The following RNFT2 variants were observed in gnomAD, a reference collection of about 807,000 sequenced individuals.
The protein encoded by RNFT2 is ring finger protein, transmembrane 2.
A neutral mutation model predicts 53.0 loss-of-function variants in RNFT2; 36 were observed. The ratio of observed to expected loss-of-function variants is 0.68; its 90% CI spans 0.52 to 0.90. The LOEUF is 0.90. Ranked by LOEUF, RNFT2 falls within the 40% of genes least tolerant of loss-of-function variation. The pLI, the probability that RNFT2 is intolerant of heterozygous loss-of-function variation, is 0.00. For synonymous variants in RNFT2, 260 were observed against 253.2 expected, an observed-to-expected ratio of 1.03 and a Z score of -0.26; for missense variants, 514 against 585.6, an observed-to-expected ratio of 0.88 and a Z score of 1.26.
chr12:116,764,237 AC>A (rs1240740516), intron 5 of RNFT2, among the ~76,000 whole-genome samples: 1 of 152,056 alleles, frequency 6.6e-6, no homozygotes, highest in Non-Finnish European at 1.5e-5. Context: ...ATTAAAGACT[AC>A]AAATTGGGTT....
chr12:116,783,099 C>T (rs760938508), intron 7 of RNFT2, among the ~76,000 whole-genome samples: 4 of 152,168 alleles, frequency 2.6e-5, no homozygotes, highest in South Asian at 2.1e-4. Context: ...CATCTTTCCT[C>T]CTCCTACTGC....
chr12:116,749,846 G>A lies in RNFT2; in HGVS notation c.89G>A (p.Arg30His), dbSNP rs996313242. Residue 30 changes from arginine (R) to histidine (H), a missense_variant, in exon 4 of 11, where the codon CGC becomes CAC. Arg to His is a conservative substitution (Grantham distance 29, BLOSUM62 0). Transcript: ENST00000257575. ...NTDNIPPERNRSQALSSEASV... is the reference protein window; with the variant it reads ...NTDNIPPERNHSQALSSEASV... ...TCTCTCCCCTTGGCACCCAGAAACC[G>A]CAGCCAGGCGCTCAGCTCCGAGGCG... 10 of 1,573,260 alleles carry A rather than the reference G, an allele frequency of 6.4e-6. No individual in the cohort carries two copies. The highest frequency in any genetic ancestry group is 4.7e-5 in the East Asian group (2 of 42,774).
intron 3 of RNFT2, among the ~76,000 whole-genome samples, chr12:116,743,312 G>A (rs1005018311): frequency 9.6e-5 from 14 of 146,248 alleles, no homozygotes; most frequent in African/African-American, 3.3e-4. Context: ...TGTCACCAAG[G>A]CTGGAGTGCA....
chr12:116,851,417 A>AT lies in RNFT2; in HGVS notation c.*1970dup. 3.0e-6 allele frequency: 1 copy of AT among 331,054 alleles called. No homozygotes were observed. Among genetic ancestry groups the AT allele is most frequent in the Non-Finnish European group, 5.7e-6 (1 of 175,228 alleles). 20.5% of individuals were successfully genotyped at this position (331,054 alleles called of 1,614,324 possible). A position where few individuals can be genotyped will look rare whatever the true frequency, so the allele number is the denominator to read the frequency against. ...GCTCTGCCCCTCAGACATTCCAGGC[A>AT]TGGGGCCCAGCAGACACGGTCTTCT... On this transcript the variant is annotated 3_prime_UTR_variant, in exon 11 of 11. Transcript: ENST00000257575.
At position 116,822,771 on chromosome 12, in the gene RNFT2, G is replaced by A. The variant is rs182251940; in HGVS notation, c.883-11021G>A. ...AATCCCAGCACTTTGGGAGGCTGAG[G>A]CGGGCAGATCACCTGAGGAGTTCGA... On this transcript the variant is annotated intron_variant, in intron 7 of 10. Transcript: ENST00000257575. Among the ~76,000 whole-genome samples the A allele has an allele frequency of 1.4e-4, 22 of 152,326 alleles. 1 individual carries two copies. In the East Asian group the frequency reaches 4.2e-3, roughly 29 times the overall value.
intron 10 of RNFT2, among the ~76,000 whole-genome samples, chr12:116,837,260 A>G (rs1182744977): frequency 6.6e-6 from 1 of 152,158 alleles, no homozygotes; most frequent in East Asian, 1.9e-4. Flanking sequence ...CAGAGGGCCC[A>G]CAGATCCCGT....
At chr12:116,781,357 G>A (rs1283204007) in intron 7 of RNFT2, among the ~76,000 whole-genome samples, 4 of 152,178 alleles carry the variant, frequency 2.6e-5, no homozygotes, top group Non-Finnish European at 5.9e-5. Context: ...GGAAGCCCAA[G>A]AGGAGAGAGA....
intron 1 of RNFT2, among the ~76,000 whole-genome samples, chr12:116,740,074 C>T (rs982065141): frequency 2.0e-5 from 3 of 151,724 alleles, no homozygotes; most frequent in Non-Finnish European, 2.9e-5. Flanking sequence ...GGCGTGGTGT[C>T]GCATGCCTGT....
intron 7 of RNFT2, among the ~76,000 whole-genome samples, chr12:116,830,866 T>C (rs913322642): frequency 2.1e-4 from 32 of 150,060 alleles, no homozygotes; most frequent in African/African-American, 7.9e-4. Context: ...ATTGTGCCAC[T>C]GCACTCCACC....
chr12:116,797,909 G>T (rs1306526879), intron 7 of RNFT2, among the ~76,000 whole-genome samples: 6 of 152,160 alleles, frequency 3.9e-5, no homozygotes, highest in African/African-American at 1.4e-4. Flanking sequence ...GAAAGCGGTG[G>T]TAACTCCTGG....
Position 116,840,485 on chromosome 12 carries a change from A to C in RNFT2, c.1200+4203A>C, listed in dbSNP as rs186237385. ...CAGGGCTGCATTACAAGATCAGAGCACTTTTTCCAGAAATTCCTGGGAATA... is the reference window on the plus strand; with the variant it reads ...CAGGGCTGCATTACAAGATCAGAGCCCTTTTTCCAGAAATTCCTGGGAATA... On this transcript the variant is annotated intron_variant, in intron 10 of 10. Coordinates refer to ENST00000257575, the MANE Select transcript of RNFT2 (RefSeq NM_001382266.1). 7.2e-5 allele frequency among the ~76,000 whole-genome samples: 11 copies of C among 152,326 alleles called. 1 individual carries two copies. In the East Asian group the frequency reaches 7.7e-4, roughly 11 times the overall value.
Position 116,851,787 on chromosome 12 carries a change from G to A in RNFT2, c.*2339G>A, listed in dbSNP as rs1565879044. On this transcript the variant is annotated 3_prime_UTR_variant, in exon 11 of 11. Coordinates refer to ENST00000257575, the MANE Select transcript of RNFT2 (RefSeq NM_001382266.1). ...AGAAGGGAGGGAGGGAGGAAGGAAG[G>A]AAGGAAGGAAAGAAAGAAAGGTCAG... 1 of 840,260 alleles carries A rather than the reference G, an allele frequency of 1.2e-6. No individual in the cohort carries two copies. The highest frequency in any genetic ancestry group is 2.0e-5 in the Admixed American group (1 of 49,642). 52.1% of individuals were successfully genotyped at this position (840,260 alleles called of 1,614,324 possible). A position where few individuals can be genotyped will look rare whatever the true frequency, so the allele number is the denominator to read the frequency against.
chr12:116,836,328 G>T, intron 10 of RNFT2, 46 bp downstream of exon 10: 1 of 1,482,756 alleles, frequency 6.7e-7, no homozygotes, highest in Non-Finnish European at 9.2e-7. Context: ...GGCTGGGGGA[G>T]AGTAGGACCC....
chr12:116,795,013 C>T (rs1874438552), intron 7 of RNFT2, among the ~76,000 whole-genome samples: 1 of 152,066 alleles, frequency 6.6e-6, no homozygotes, highest in South Asian at 2.1e-4. Flanking sequence ...GAAGGCAAAT[C>T]CTCTGTCCCA....
chr12:116,792,658 A>G (rs144822718), intron 7 of RNFT2, among the ~76,000 whole-genome samples: 2 of 152,234 alleles, frequency 1.3e-5, no homozygotes, highest in African/African-American at 4.8e-5. Flanking sequence ...GTCTTCCCCA[A>G]GATAAATTGC....
At chr12:116,841,123 A>G (rs1264115371) in intron 10 of RNFT2, among the ~76,000 whole-genome samples, 3 of 152,204 alleles carry the variant, frequency 2.0e-5, no homozygotes, top group African/African-American at 7.2e-5. Flanking sequence ...TTAAAGCAAC[A>G]AATGTTTATT....
chr12:116,777,875 C>T (rs990772595), intron 6 of RNFT2, among the ~76,000 whole-genome samples: 19 of 152,166 alleles, frequency 1.2e-4, no homozygotes, highest in Admixed American at 2.6e-4. Flanking sequence ...CCGATACCAA[C>T]GCCTTTATGC....
At position 116,745,540 on chromosome 12, in the gene RNFT2, C is replaced by T. The variant is rs183740824; in HGVS notation, c.84-4301C>T. Among the ~76,000 whole-genome samples the T allele has an allele frequency of 2.6e-5, 4 of 152,212 alleles. No homozygotes were observed. In the East Asian group the frequency reaches 7.7e-4, roughly 29 times the overall value. On this transcript the variant is annotated intron_variant, in intron 3 of 10. Coordinates refer to ENST00000257575, the MANE Select transcript of RNFT2 (RefSeq NM_001382266.1). ...CCTCCCAAAGTGCTGGGATTATAGG[C>T]ATGAGCCACCATGCCTGGCCTCACT...
intron 3 of RNFT2, 122 bp from the exon 4 acceptor site, chr12:116,749,719 A>G (rs1872082189): frequency 2.3e-6 from 2 of 861,746 alleles, no homozygotes; most frequent in Admixed American, 5.0e-5. Flanking sequence ...ACTTCATGTG[A>G]ATTTGAGGGG....
Sources: allele counts gnomAD v4.1 joint callset (sites outside exome capture counted in the v4.1 genomes callset), GRCh38; gene constraint gnomAD v4.1.1; transcripts MANE v1.5; gene names NCBI Gene and HGNC (gene_info 2026-07-23, HGNC 2026-07-21).